The following MYO18A variants were observed in gnomAD, a reference collection of about 807,000 sequenced individuals.
MYO18A encodes the protein unconventional myosin-XVIIIa.
Under a neutral mutation model 235.8 loss-of-function variants are expected in MYO18A, and 78 were observed. The observed-to-expected ratio is 0.33, with a 90% CI of 0.28 to 0.40. MYO18A has a LOEUF of 0.40. Ranked by LOEUF, MYO18A falls within the 10% of genes least tolerant of loss-of-function variation. MYO18A has a pLI of 1.00. For missense variants in MYO18A, 2,215 were observed against 2,699.3 expected, an observed-to-expected ratio of 0.82 and a Z score of 3.98; for synonymous variants, 977 against 1,077.8, an observed-to-expected ratio of 0.91 and a Z score of 1.83.
chr17:29,095,373 C>T (rs1271302887), intron 28 of MYO18A, among the ~76,000 whole-genome samples: 3 of 152,198 alleles, frequency 2.0e-5, no homozygotes, highest in Admixed American at 1.3e-4. Context: ...CATTTCAACA[C>T]ATCAAAGAAT....
chr17:29,111,756 GA>G lies in MYO18A; in HGVS notation c.2705del (p.Phe902SerfsTer37). 6.2e-7 allele frequency: 1 copy of G among 1,613,814 alleles called. No homozygotes were observed. On this transcript the variant is annotated frameshift_variant, in exon 16 of 42. Transcript: ENST00000527372. LOFTEE classifies it high-confidence loss of function. The surrounding 1 kb of genome is among the most constrained non-coding windows in gnomAD (Gnocchi z 5.1). ...ASEDTLLERL[F>X]SYYGPQEGDK... ...CACCTTCCTGGGGGCCATAATAGGA[GA>G]AAAGGCGCTCCAGGAGGGTGTCCTC...
chr17:29,118,251 C>G lies in MYO18A; in HGVS notation c.1894-62G>C. 3 of 1,568,074 alleles carry G rather than the reference C, an allele frequency of 1.9e-6. No homozygotes were observed. The South Asian group carries it at 3.5e-5, about 18-fold the overall frequency. Reference sequence around the variant, plus strand: ...CAGCACACCCCCATGAGGCTGGGCCCTCAGGGCAAGGCTTGGGTAGAGCCA... The same window carrying G: ...CAGCACACCCCCATGAGGCTGGGCCGTCAGGGCAAGGCTTGGGTAGAGCCA... On this transcript the variant is annotated intron_variant, in intron 9 of 41. Transcript: ENST00000527372. The surrounding 1 kb of genome is among the most constrained non-coding windows in gnomAD (Gnocchi z 4.2).
intron 33 of MYO18A, 130 bp downstream of exon 33, chr17:29,092,725 G>A (rs754129009): frequency 2.0e-5 from 26 of 1,283,012 alleles, no homozygotes; most frequent in Non-Finnish European, 2.6e-5. Flanking sequence ...TGCTACACGT[G>A]GCTCTCCCCT....
intron 41 of MYO18A, among the ~76,000 whole-genome samples, chr17:29,081,370 G>A (rs2066118735): frequency 6.6e-6 from 1 of 152,222 alleles, no homozygotes; most frequent in Admixed American, 6.5e-5. Context: ...CGGGGAAGCC[G>A]GCATTATCTG....
In MYO18A at chr17:29,094,060, G is replaced by C. The variant is rs778896483; in HGVS notation, c.4741C>G (p.Arg1581Gly). The C allele has an allele frequency of 1.9e-6, 3 of 1,611,082 alleles. No homozygotes were observed. The highest frequency in any genetic ancestry group is 2.5e-6 in the Non-Finnish European group (3 of 1,178,922). ...AKLRLEMEME[R>G]MRQTHSKEME... The stretch of plus-strand genomic sequence containing the variant: ...TCCTTAGAATGGGTCTGTCTCATCC[G>C]CTCCATCTCCATCTCCAGACGCAGC... Residue 1581 changes from arginine (R) to glycine (G), a missense_variant, in exon 31 of 42, where the codon CGG becomes GGG. Physicochemically the swap from Arg to Gly is moderately radical, Grantham distance 125. Coordinates refer to ENST00000527372, the MANE Select transcript of MYO18A (RefSeq NM_078471.4).
intron 28 of MYO18A, 89 bp downstream of exon 28, chr17:29,096,672 C>T (rs1281437579): frequency 5.0e-6 from 7 of 1,410,250 alleles, no homozygotes; most frequent in Non-Finnish European, 6.5e-6. Context: ...TCAGGTCCTT[C>T]CTTCTTTCCT....
chr17:29,135,752 T>A (rs913537837), intron 2 of MYO18A, among the ~76,000 whole-genome samples: 6 of 152,282 alleles, frequency 3.9e-5, no homozygotes, highest in African/African-American at 1.4e-4. Flanking sequence ...GTGGCTTTTA[T>A]GCAGAATTGC....
chr17:29,086,625 C>A, intron 38 of MYO18A, 48 bp from the exon 39 acceptor site: 1 of 1,595,786 alleles, frequency 6.3e-7, no homozygotes, highest in South Asian at 1.1e-5. Flanking sequence ...AGCTTCTCCC[C>A]TAGATGGCCA....
At chr17:29,095,830 T>C (rs575509612) in intron 28 of MYO18A, among the ~76,000 whole-genome samples, 19 of 152,318 alleles carry the variant, frequency 1.2e-4, no homozygotes, top group Non-Finnish European at 1.2e-4. Context: ...ACCTAATAAG[T>C]TGCCCAGCGG....
chr17:29,119,687 C>T (rs1165674718), intron 7 of MYO18A, among the ~76,000 whole-genome samples: 3 of 151,638 alleles, frequency 2.0e-5, no homozygotes, highest in African/African-American at 7.3e-5. Context: ...CCTTGGCCTC[C>T]TGAGTAGCTG....
rs563971136 is a variant in MYO18A, at chr17:29,175,855, C to T, written c.-82+4458G>A. Among the ~76,000 whole-genome samples the T allele has an allele frequency of 4.6e-5, 7 of 152,168 alleles. No homozygotes were observed. In the South Asian group the frequency reaches 1.2e-3, roughly 27 times the overall value. ...CAGGTGGATGACGAGGTCAGGAGTT[C>T]AAGACCAGCCTGGCCAAGATGGTGA... On this transcript the variant is annotated intron_variant, in intron 1 of 41. Transcript: ENST00000527372.
At chr17:29,161,724 C>G (rs1267890289) in intron 2 of MYO18A, among the ~76,000 whole-genome samples, 1 of 152,196 alleles carries the variant, frequency 6.6e-6, no homozygotes, top group Non-Finnish European at 1.5e-5. Flanking sequence ...AGGATACAGA[C>G]AGACTCGCCT....
At chr17:29,145,162 T>G (rs1023541933) in intron 2 of MYO18A, among the ~76,000 whole-genome samples, 6 of 152,240 alleles carry the variant, frequency 3.9e-5, no homozygotes, top group African/African-American at 1.4e-4. Context: ...CCTGGAGAGC[T>G]GGGACCATTT....
At chr17:29,139,183 T>A (rs1030305868) in intron 2 of MYO18A, among the ~76,000 whole-genome samples, 1 of 152,086 alleles carries the variant, frequency 6.6e-6, no homozygotes, top group Admixed American at 6.5e-5. Flanking sequence ...AATGGCTTCC[T>A]GCCGCAACTG....
intron 37 of MYO18A, 97 bp downstream of exon 37, chr17:29,089,864 T>C: frequency 6.7e-7 from 1 of 1,501,428 alleles, no homozygotes; most frequent in Non-Finnish European, 9.0e-7. Context: ...CTCTGAGGAC[T>C]GTCCGGGGGC....
At position 29,119,391 on chromosome 17, in the gene MYO18A, A is replaced by C; in HGVS notation, c.1773T>G (p.Ser591Arg). The C allele has an allele frequency of 6.2e-7, 1 of 1,612,090 alleles. No homozygotes were observed. Among genetic ancestry groups the C allele is most frequent in the Non-Finnish European group, 8.5e-7 (1 of 1,179,458 alleles). The change falls in exon 8 of 42, where the codon AGT becomes AGG. Residue 591 changes from serine to arginine, a missense_variant. By Grantham distance (110) the Ser-to-Arg change is moderately radical (BLOSUM62 -1). Transcript: ENST00000527372. ...EKLRVARRPA[S>R]EATFNVFYYL... ...AGTAGAAGACGTTGAATGTGGCTTC[A>C]CTGGCTGGGCGCCGAGCCACACGCA...
intron 2 of MYO18A, chr17:29,128,419 C>A (rs1412508520): frequency 7.8e-7 from 1 of 1,289,378 alleles, no homozygotes; most frequent in Admixed American, 2.3e-5. Flanking sequence ...TGGCAGCTCC[C>A]GGGCCGTTCA....
intron 1 of MYO18A, among the ~76,000 whole-genome samples, chr17:29,175,915 C>T (rs1269026835): frequency 6.6e-6 from 1 of 151,940 alleles, no homozygotes; most frequent in Admixed American, 6.6e-5. Context: ...AAAAAGTAGC[C>T]GGGCGTGGTG....
intron 2 of MYO18A, among the ~76,000 whole-genome samples, chr17:29,129,369 C>G (rs2067405787): frequency 6.6e-6 from 1 of 152,214 alleles, no homozygotes; most frequent in South Asian, 2.1e-4. Context: ...CCTCAAGCAG[C>G]CTCAGCTCCA....
Sources: allele counts gnomAD v4.1 joint callset (sites outside exome capture counted in the v4.1 genomes callset), GRCh38; gene constraint gnomAD v4.1.1; non-coding constraint Gnocchi (gnomAD v3.1); transcripts MANE v1.5; gene names NCBI Gene and HGNC (gene_info 2026-07-23, HGNC 2026-07-21).